SHTN1: variants seen among roughly 807,000 people sequenced by gnomAD.
SHTN1 encodes shootin-1.
In SHTN1, 42 loss-of-function variants were observed where a neutral mutation model predicts 83.1. The ratio of observed to expected loss-of-function variants is 0.51; its 90% CI spans 0.39 to 0.65. The LOEUF (loss-of-function observed/expected upper bound fraction) is 0.65. Ranked by LOEUF, SHTN1 falls within the 30% of genes least tolerant of loss-of-function variation. SHTN1 has a pLI of 0.00. For synonymous variants in SHTN1, 224 were observed against 247.7 expected (o/e 0.90, Z 0.90); for missense variants, 622 against 737.8 (o/e 0.84, Z 1.82).
At chr10:117,014,461 A>C (rs933935004) in intron 2 of SHTN1, among the ~76,000 whole-genome samples, 1 of 152,194 alleles carries the variant, frequency 6.6e-6, no homozygotes, top group East Asian at 1.9e-4. Context: ...TTGACTGGAC[A>C]CCGTAAGGCT....
intron 1 of SHTN1, among the ~76,000 whole-genome samples, chr10:117,104,218 C>G (rs1250180819): frequency 2.6e-5 from 4 of 152,080 alleles, no homozygotes; most frequent in Non-Finnish European, 5.9e-5. Flanking sequence ...TTTGCTTGGC[C>G]TCCAAGGCCC....
chr10:117,093,047 T>G (rs1413061741), intron 1 of SHTN1, among the ~76,000 whole-genome samples: 2 of 152,182 alleles, frequency 1.3e-5, no homozygotes, highest in Non-Finnish European at 2.9e-5. Flanking sequence ...CAATATATAA[T>G]GAGAACTCCT....
chr10:117,017,418 G>A (rs370670263), intron 2 of SHTN1, among the ~76,000 whole-genome samples: 10 of 149,474 alleles, frequency 6.7e-5, no homozygotes, highest in Non-Finnish European at 1.3e-4. Flanking sequence ...GTGAACCCGG[G>A]AGGCAGAGCT....
intron 8 of SHTN1, among the ~76,000 whole-genome samples, chr10:116,942,937 C>T (rs1444130982): frequency 6.6e-6 from 1 of 152,142 alleles, no homozygotes; most frequent in Non-Finnish European, 1.5e-5. Context: ...TGTCTTTGTG[C>T]AGTACTTACC....
chr10:116,931,696 A>G (rs1326853921), intron 9 of SHTN1, among the ~76,000 whole-genome samples: 2 of 152,240 alleles, frequency 1.3e-5, no homozygotes, highest in African/African-American at 2.4e-5. Context: ...ATGAGAAGAT[A>G]TATTACCAAT....
chr10:117,053,945 A>G (rs1172381887), intron 1 of SHTN1, among the ~76,000 whole-genome samples: 1 of 152,258 alleles, frequency 6.6e-6, no homozygotes, highest in East Asian at 1.9e-4. Flanking sequence ...ATGCTACAAT[A>G]TGGATGAATC....
At chr10:116,941,539 T>G (rs1161968884) in intron 8 of SHTN1, among the ~76,000 whole-genome samples, 3 of 152,256 alleles carry the variant, frequency 2.0e-5, no homozygotes, top group African/African-American at 7.2e-5. Context: ...CTACCAATTT[T>G]ATAATAGAGC....
At chr10:117,106,329 C>A (rs1853668935) in intron 1 of SHTN1, among the ~76,000 whole-genome samples, 1 of 151,858 alleles carries the variant, frequency 6.6e-6, no homozygotes, top group Admixed American at 6.6e-5. Flanking sequence ...ATGGCGGGCA[C>A]CTGTAGTCCC....
At chr10:117,033,690 A>G (rs1852453708) in intron 2 of SHTN1, among the ~76,000 whole-genome samples, 1 of 149,290 alleles carries the variant, frequency 6.7e-6, no homozygotes, top group African/African-American at 2.4e-5. Flanking sequence ...GGGCAGTATT[A>G]CCCTGATATT....
At chr10:117,029,566 G>A in intron 2 of SHTN1, among the ~76,000 whole-genome samples, 1 of 152,144 alleles carries the variant, frequency 6.6e-6, no homozygotes, top group East Asian at 1.9e-4. Flanking sequence ...GGAGGTGATT[G>A]AATCATGGGG....
intron 1 of SHTN1, among the ~76,000 whole-genome samples, chr10:117,109,281 C>T (rs1171352789): frequency 2.0e-5 from 3 of 152,074 alleles, no homozygotes; most frequent in African/African-American, 7.2e-5. Context: ...TGTTGTGACT[C>T]CTGCCTTACA....
intron 9 of SHTN1, among the ~76,000 whole-genome samples, chr10:116,937,418 T>C (rs1220214040): frequency 6.6e-6 from 1 of 152,228 alleles, no homozygotes; most frequent in Non-Finnish European, 1.5e-5. Context: ...CCTTCGCTTA[T>C]GAAGCTTAGT....
chr10:116,943,269 G>A (rs1461774917), intron 8 of SHTN1, among the ~76,000 whole-genome samples: 4 of 152,158 alleles, frequency 2.6e-5, no homozygotes, highest in African/African-American at 9.7e-5. Flanking sequence ...CTGCAACCTT[G>A]CTTCTTCCAT....
At chr10:117,057,699 C>T (rs1203383868) in intron 1 of SHTN1, among the ~76,000 whole-genome samples, 2 of 152,116 alleles carry the variant, frequency 1.3e-5, no homozygotes, top group African/African-American at 4.8e-5. Context: ...AAGTTTATAC[C>T]TTAAGCTGAT....
At chr10:117,027,943 CAGA>C (rs1333224864) in intron 2 of SHTN1, among the ~76,000 whole-genome samples, 1 of 152,120 alleles carries the variant, frequency 6.6e-6, no homozygotes, top group African/African-American at 2.4e-5. Context: ...TTGGAGGGCT[CAGA>C]AGAAGACAGG....
At chr10:117,119,047 A>G (rs1564964953) in intron 1 of SHTN1, among the ~76,000 whole-genome samples, 1 of 152,226 alleles carries the variant, frequency 6.6e-6, no homozygotes, top group East Asian at 1.9e-4. Context: ...GGTGGAATTG[A>G]TGGTCATTAT....
intron 1 of SHTN1, among the ~76,000 whole-genome samples, chr10:117,050,377 G>A (rs1055459389): frequency 6.6e-6 from 1 of 151,912 alleles, no homozygotes; most frequent in African/African-American, 2.4e-5. Flanking sequence ...AAGAAATCAC[G>A]AGAATGACTG....
At chr10:116,899,200 T>A (rs1405958065) in intron 16 of SHTN1, among the ~76,000 whole-genome samples, 1 of 148,636 alleles carries the variant, frequency 6.7e-6, no homozygotes, top group African/African-American at 2.6e-5. Flanking sequence ...AGAGAAAAAA[T>A]AAAACAATAA....
At chr10:117,020,139 A>C (rs1240466000) in intron 2 of SHTN1, among the ~76,000 whole-genome samples, 3 of 152,292 alleles carry the variant, frequency 2.0e-5, no homozygotes, top group African/African-American at 7.2e-5. Flanking sequence ...TGAAGACTTA[A>C]ACTACAATCA....
Sources: allele counts gnomAD v4.1 joint callset (sites outside exome capture counted in the v4.1 genomes callset), GRCh38; gene constraint gnomAD v4.1.1; transcripts MANE v1.5; gene names NCBI Gene and HGNC (gene_info 2026-07-23, HGNC 2026-07-21).